KIAA0753: variants seen among roughly 807,000 people sequenced by gnomAD.
KIAA0753 encodes the protein KIAA0753.
A neutral mutation model predicts 116.9 loss-of-function variants in KIAA0753; 114 were observed. The ratio of observed to expected loss-of-function variants is 0.98; its 90% CI spans 0.84 to 1.14. KIAA0753 has a LOEUF of 1.14. Ranked by LOEUF, KIAA0753 falls within the 50% of genes most tolerant of loss-of-function variation. The pLI is 0.00. For missense variants in KIAA0753, 1,156 were observed against 1,172.4 expected (o/e 0.99, Z 0.20); for synonymous variants, 405 against 413.1 (o/e 0.98, Z 0.24).
rs199758369 is a variant in KIAA0753, at chr17:6,600,291, TA to T, written c.2088+88del. The T allele has an allele frequency of 4.9e-3, 4,783 of 973,718 alleles. 151 individuals are homozygous for T. In the African/African-American group the frequency reaches 0.068, roughly 14 times the overall value. 60.3% of individuals were successfully genotyped at this position (973,718 alleles called of 1,614,324 possible). A position where few individuals can be genotyped will look rare whatever the true frequency, so the allele number is the denominator to read the frequency against. ...CAGATGCCACAGAGACACTTAGCCC[TA>T]TAAAGGATCAATGAGACCTCTGCAG... On this transcript the variant is annotated intron_variant, in intron 13 of 18. Coordinates refer to ENST00000361413, the MANE Select transcript of KIAA0753 (RefSeq NM_014804.3).
Position 6,628,333 on chromosome 17 carries a change from T to C in KIAA0753, c.502A>G (p.Ser168Gly), listed in dbSNP as rs751511600. 1.9e-6 allele frequency: 3 copies of C among 1,614,142 alleles called. No individual in the cohort carries two copies. The highest frequency in any genetic ancestry group is 1.7e-6 in the Non-Finnish European group (2 of 1,180,008). The change falls in exon 3 of 19, where the codon AGC becomes GGC. Residue 168 changes from serine to glycine, a missense_variant. Coordinates refer to ENST00000361413, the MANE Select transcript of KIAA0753 (RefSeq NM_014804.3). The part of the protein sequence containing the change: ...SHQPSKVEIS[S>G]SGAKVYLYSS... Reference sequence around the variant, plus strand: ...TAAAGGTATACTTTGGCACCAGAGCTGGAGATTTCTACTTTGGATGGCTGG... The same window carrying C: ...TAAAGGTATACTTTGGCACCAGAGCCGGAGATTTCTACTTTGGATGGCTGG...
chr17:6,634,940 A>G, intron 2 of KIAA0753, 71 bp downstream of exon 2: 2 of 1,014,624 alleles, frequency 2.0e-6, no homozygotes, highest in East Asian at 5.0e-5. Flanking sequence ...AAAAGTGTTC[A>G]CTGTCCTTTT....
intron 1 of KIAA0753, chr17:6,636,483 A>G (rs982383307): frequency 2.6e-5 from 4 of 152,250 alleles, no homozygotes; most frequent in African/African-American, 9.7e-5. Flanking sequence ...CAGTTCCAGC[A>G]TGCCTCAAGT....
intron 2 of KIAA0753, among the ~76,000 whole-genome samples, chr17:6,632,775 G>C (rs555972716): frequency 4.0e-4 from 61 of 152,268 alleles, no homozygotes; most frequent in Admixed American, 6.5e-4. Context: ...CCTGCCAAAA[G>C]TGCATTACCT....
In KIAA0753 at chr17:6,590,541, T is replaced by C. The variant is rs1968916241; in HGVS notation, c.2530A>G (p.Asn844Asp). 6.2e-7 allele frequency: 1 copy of C among 1,614,020 alleles called. No homozygotes were observed. Among genetic ancestry groups the C allele is most frequent in the Non-Finnish European group, 8.5e-7 (1 of 1,179,974 alleles). The change falls in exon 17 of 19, where the codon AAC (asparagine) becomes GAC (aspartate). Residue 844 changes from asparagine to aspartate, a missense_variant. Coordinates refer to ENST00000361413, the MANE Select transcript of KIAA0753 (RefSeq NM_014804.3). ...TTACAGGGCCTTTCTAACATGATGT[T>C]CACGGCTGGATCCTTGCGATCCACT... Reference protein sequence around the residue: ...KTVDRKDPAVNIMLERPCNGN... With the variant: ...KTVDRKDPAVDIMLERPCNGN...
chr17:6,579,790 G>C lies in KIAA0753; in HGVS notation c.2861C>G (p.Ala954Gly). 1 of 1,613,816 alleles carries C rather than the reference G, an allele frequency of 6.2e-7. No homozygotes were observed. The highest frequency in any genetic ancestry group is 8.5e-7 in the Non-Finnish European group (1 of 1,179,954). Residue 954 changes from alanine to glycine, a missense_variant, in exon 19 of 19, where the codon GCA becomes GGA. Transcript: ENST00000361413. The part of the protein sequence containing the change: ...AELQDMCEDY[A>G]EAVFTSEFLE... ...GAATTCTGAGGTGAACACAGCTTCT[G>C]CATAATCTTCGCACATATCCTGAAG...
intron 18 of KIAA0753, among the ~76,000 whole-genome samples, chr17:6,582,741 T>C (rs890900700): frequency 6.6e-6 from 1 of 152,216 alleles, no homozygotes; most frequent in Admixed American, 6.5e-5. Flanking sequence ...ACTTGGACAT[T>C]ACACACACTT....
At position 6,610,056 on chromosome 17, in the gene KIAA0753, C is replaced by T. The variant is rs754487549; in HGVS notation, c.1650G>A (p.Val550=). 2 of 1,614,132 alleles carry T rather than the reference C, an allele frequency of 1.2e-6. No homozygotes were observed. The highest frequency in any genetic ancestry group is 1.7e-6 in the Non-Finnish European group (2 of 1,180,030). The change falls in exon 9 of 19, where the codon GTG becomes GTA. Residue 550 remains valine, a synonymous_variant. Transcript: ENST00000361413. ...SSRLKMNRQP[V]KDRKAPWIPP... is the part of the protein sequence containing the mutation. ...GTATCCATGGTGCCTTGCGGTCTTTCACAGGCTGCCGGTTCATTTTTAATC... is the reference window on the plus strand; with the variant it reads ...GTATCCATGGTGCCTTGCGGTCTTTTACAGGCTGCCGGTTCATTTTTAATC...
chr17:6,621,560 A>G (rs1156897291), intron 6 of KIAA0753, among the ~76,000 whole-genome samples: 1 of 152,246 alleles, frequency 6.6e-6, no homozygotes, highest in Non-Finnish European at 1.5e-5. Context: ...GGACAACTGA[A>G]CACGGTCAGG....
intron 12 of KIAA0753, among the ~76,000 whole-genome samples, chr17:6,601,222 A>T (rs1257731416): frequency 6.6e-6 from 1 of 151,618 alleles, no homozygotes; most frequent in Non-Finnish European, 1.5e-5. Context: ...AGAAATTAAG[A>T]CTCCTAGATC....
Position 6,621,043 on chromosome 17 carries a change from A to C in KIAA0753, c.1105-45T>G, listed in dbSNP as rs757897672. 2.5e-6 allele frequency: 4 copies of C among 1,575,600 alleles called. No homozygotes were observed. The South Asian group carries it at 4.5e-5, about 18-fold the overall frequency. On this transcript the variant is annotated intron_variant, in intron 6 of 18. Transcript: ENST00000361413. Reference sequence around the variant, plus strand: ...TTATTCTCTTAGTTTATCTCGCAAAAGTATGACTTTTAATCACAAAACTGA... The same window carrying C: ...TTATTCTCTTAGTTTATCTCGCAAACGTATGACTTTTAATCACAAAACTGA...
At chr17:6,610,903 C>T (rs1293750786) in intron 8 of KIAA0753, among the ~76,000 whole-genome samples, 1 of 152,194 alleles carries the variant, frequency 6.6e-6, no homozygotes, top group Non-Finnish European at 1.5e-5. Context: ...CAGGTTCAAT[C>T]TTGACATCTC....
At chr17:6,609,583 A>G (rs935684512) in intron 9 of KIAA0753, among the ~76,000 whole-genome samples, 2 of 152,248 alleles carry the variant, frequency 1.3e-5, no homozygotes, top group African/African-American at 4.8e-5. Flanking sequence ...TTATTTTAAA[A>G]TATTTATTTA....
intron 9 of KIAA0753, among the ~76,000 whole-genome samples, chr17:6,609,088 T>C (rs1218006857): frequency 6.6e-6 from 1 of 152,236 alleles, no homozygotes; most frequent in Admixed American, 6.5e-5. Context: ...TCTCTAAACA[T>C]TGTTTCCTTA....
Position 6,624,781 on chromosome 17 carries a change from G to T in KIAA0753, c.799C>A (p.Arg267=). The T allele has an allele frequency of 6.4e-7, 1 of 1,561,118 alleles. No homozygotes were observed. The highest frequency in any genetic ancestry group is 2.4e-5 in the East Asian group (1 of 42,452). The change falls in exon 4 of 19, where the codon CGA becomes AGA. Residue 267 remains arginine (R), a synonymous_variant. Coordinates refer to ENST00000361413, the MANE Select transcript of KIAA0753 (RefSeq NM_014804.3). ...RRQEQAARSA[R]MLYVLQQQVK... ...TGCTGCTGGAGGACGTAGAGCATTC[G>T]GGCAGAGCGAGCAGCTTGCTCCTGT...
Position 6,625,277 on chromosome 17 carries a change from T to C in KIAA0753, c.719-416A>G, listed in dbSNP as rs1472359004. Reference sequence around the variant, plus strand: ...ACAATGTAAAGAAGGTATTAATAAATGCCTATTGATCAGCCACTAAATATG... The same window carrying C: ...ACAATGTAAAGAAGGTATTAATAAACGCCTATTGATCAGCCACTAAATATG... On this transcript the variant is annotated intron_variant, in intron 3 of 18. Transcript: ENST00000361413. 2.6e-5 allele frequency among the ~76,000 whole-genome samples: 4 copies of C among 152,358 alleles called. No individual in the cohort carries two copies. The East Asian group carries it at 5.8e-4, about 22-fold the overall frequency.
chr17:6,636,961 G>A (rs1199969833), intron 1 of KIAA0753: 6 of 152,254 alleles, frequency 3.9e-5, no homozygotes, highest in Non-Finnish European at 8.8e-5. Flanking sequence ...AGCTGTTCTT[G>A]TCCCTGACAT....
chr17:6,589,202 G>A (rs1968806075), intron 18 of KIAA0753, among the ~76,000 whole-genome samples: 1 of 152,166 alleles, frequency 6.6e-6, no homozygotes, highest in Non-Finnish European at 1.5e-5. Flanking sequence ...GTTTAGATGA[G>A]GTCATGAGGG....
chr17:6,636,135 A>C (rs1007999118), intron 1 of KIAA0753: 1 of 152,092 alleles, frequency 6.6e-6, no homozygotes, highest in Non-Finnish European at 1.5e-5. Flanking sequence ...TTTAAAAAAA[A>C]CCCTAATTTA....
Sources: allele counts gnomAD v4.1 joint callset (sites outside exome capture counted in the v4.1 genomes callset), GRCh38; gene constraint gnomAD v4.1.1; transcripts MANE v1.5; gene names NCBI Gene and HGNC (gene_info 2026-07-23, HGNC 2026-07-21).